The following UBAP2 variants were observed in gnomAD, a reference collection of about 807,000 sequenced individuals.
UBAP2 encodes the protein ubiquitin-associated protein 2.
Under a neutral mutation model 139.6 loss-of-function variants are expected in UBAP2, and 75 were observed. The ratio of observed to expected loss-of-function variants is 0.54; its 90% CI spans 0.45 to 0.65. UBAP2 has a LOEUF of 0.65. Among genes scored for constraint, UBAP2 ranks in the 30% least tolerant of loss-of-function variants. UBAP2 has a pLI of 0.00. For missense variants in UBAP2, 1,368 were observed against 1,369.6 expected (o/e 1.00, Z 0.02); for synonymous variants, 526 against 526.2 (o/e 1.00, Z 0.01).
intron 1 of UBAP2, among the ~76,000 whole-genome samples, chr9:34,028,404 A>C (rs1825599766): frequency 6.7e-6 from 1 of 148,376 alleles, no homozygotes; most frequent in Non-Finnish European, 1.5e-5. Flanking sequence ...TTTGAGATGG[A>C]GTTTCACTGT....
intron 2 of UBAP2, among the ~76,000 whole-genome samples, chr9:34,000,010 C>T (rs979703023): frequency 1.3e-5 from 2 of 151,948 alleles, no homozygotes; most frequent in African/African-American, 4.8e-5. Context: ...TGCACTGGCA[C>T]GATCTTGGCT....
intron 11 of UBAP2, among the ~76,000 whole-genome samples, chr9:33,954,152 C>T (rs1156900966): frequency 1.3e-5 from 2 of 152,048 alleles, no homozygotes; most frequent in African/African-American, 4.8e-5. Flanking sequence ...AGTGAGCTGC[C>T]TGCTTTGGCC....
In UBAP2 at chr9:33,941,868, AAG is replaced by A. The variant is rs1564023113; in HGVS notation, c.1716-8_1716-7del. On this transcript the variant is annotated splice_region_variant and splice_polypyrimidine_tract_variant and intron_variant, in intron 15 of 28. Transcript: ENST00000379238. Reference sequence around the variant, plus strand: ...AAGATGTATTCAAAGGCTCACTGAAAAGAGTCAAAAATATTCAACATAATTTT... The same window carrying A: ...AAGATGTATTCAAAGGCTCACTGAAAAGTCAAAAATATTCAACATAATTTT... 1 of 1,604,546 alleles carries A rather than the reference AAG, an allele frequency of 6.2e-7. No homozygotes were observed. Among genetic ancestry groups the A allele is most frequent in the East Asian group, 2.2e-5 (1 of 44,746 alleles).
chr9:34,024,908 C>G (rs1564068758), intron 1 of UBAP2, among the ~76,000 whole-genome samples: 1 of 151,736 alleles, frequency 6.6e-6, no homozygotes, highest in Non-Finnish European at 1.5e-5. Flanking sequence ...CACTTGAACC[C>G]GAGAGGCGGA....
At chr9:33,964,157 C>T (rs1827279860) in intron 8 of UBAP2, among the ~76,000 whole-genome samples, 1 of 152,052 alleles carries the variant, frequency 6.6e-6, no homozygotes, top group African/African-American at 2.4e-5. Flanking sequence ...TTGAGGGTCC[C>T]TCATATCAGG....
intron 17 of UBAP2, among the ~76,000 whole-genome samples, chr9:33,935,166 G>A (rs1344641114): frequency 3.5e-5 from 2 of 57,444 alleles, no homozygotes; most frequent in African/African-American, 8.1e-5. Flanking sequence ...GAAGTGGCGG[G>A]GGGGGGGGGT....
At chr9:33,992,854 T>C (rs115323515) in intron 4 of UBAP2, among the ~76,000 whole-genome samples, 2,422 of 152,248 alleles carry the variant, frequency 0.016, 58 homozygotes, top group African/African-American at 0.055. Flanking sequence ...GGTATTTTGC[T>C]AGTTGCAGAA....
At chr9:34,016,838 G>C (rs1021860030) in intron 2 of UBAP2, among the ~76,000 whole-genome samples, 2 of 151,940 alleles carry the variant, frequency 1.3e-5, no homozygotes. Flanking sequence ...GATTACAGGC[G>C]TGAGCCACCG....
intron 1 of UBAP2, among the ~76,000 whole-genome samples, chr9:34,019,347 G>A (rs915646201): frequency 2.0e-5 from 3 of 152,108 alleles, no homozygotes; most frequent in African/African-American, 7.2e-5. Context: ...AGGTTGCAGT[G>A]AGCCAAGGTA....
intron 6 of UBAP2, among the ~76,000 whole-genome samples, chr9:33,981,300 TG>T (rs1820736550): frequency 1.4e-5 from 1 of 73,774 alleles, no homozygotes; most frequent in Admixed American, 1.3e-4. Context: ...ATATATATTC[TG>T]GATATATATA....
At chr9:33,957,434 G>A (rs536396115) in intron 10 of UBAP2, among the ~76,000 whole-genome samples, 1 of 152,212 alleles carries the variant, frequency 6.6e-6, no homozygotes, top group Non-Finnish European at 1.5e-5. Flanking sequence ...GCATCCCCAG[G>A]CAACCACTCA....
rs1407922921 is a variant in UBAP2, at chr9:33,944,411, G to A, written c.1499C>T (p.Pro500Leu). The change falls in exon 14 of 29, where the codon CCC becomes CTC. Residue 500 changes from proline to leucine, a missense_variant. Pro to Leu is a moderately conservative substitution (Grantham distance 98, BLOSUM62 -3). Coordinates refer to ENST00000379238, the MANE Select transcript of UBAP2 (RefSeq NM_001370062.2). ...NISVSVHQPQ[P>L]KHIKLAKRRI... is the part of the protein sequence containing the mutation. Reference sequence around the variant, plus strand: ...CCGCTTAGCAAGTTTGATGTGTTTGGGCTGTGGCTGGTGGACAGACACAGA... The same window carrying A: ...CCGCTTAGCAAGTTTGATGTGTTTGAGCTGTGGCTGGTGGACAGACACAGA... 1 of 1,614,170 alleles carries A rather than the reference G, an allele frequency of 6.2e-7. No homozygotes were observed. Among genetic ancestry groups the A allele is most frequent in the Admixed American group, 1.7e-5 (1 of 60,020 alleles).
At chr9:33,995,632 TAC>T (rs1380808713) in intron 4 of UBAP2, 2 of 142,324 alleles carry the variant, frequency 1.4e-5, no homozygotes, top group East Asian at 3.9e-4. Context: ...AATAAATATA[TAC>T]ATATGTATAA....
chr9:33,973,494 G>T (rs184189206), intron 6 of UBAP2, among the ~76,000 whole-genome samples: 1 of 152,290 alleles, frequency 6.6e-6, no homozygotes, highest in East Asian at 1.9e-4. Context: ...AACACAGGGA[G>T]GTTGTATTAT....
At chr9:33,979,256 T>C (rs989877215) in intron 6 of UBAP2, among the ~76,000 whole-genome samples, 2 of 152,064 alleles carry the variant, frequency 1.3e-5, no homozygotes, top group Non-Finnish European at 2.9e-5. Context: ...GAAACTATAG[T>C]TCACTACCTT....
chr9:33,985,774 C>T (rs749187208), intron 6 of UBAP2, among the ~76,000 whole-genome samples: 46 of 151,950 alleles, frequency 3.0e-4, no homozygotes, highest in African/African-American at 9.2e-4. Context: ...GTAATCCTAC[C>T]GCTTTGGGAG....
intron 20 of UBAP2, among the ~76,000 whole-genome samples, chr9:33,927,402 C>G (rs1475356460): frequency 6.6e-6 from 1 of 152,180 alleles, no homozygotes; most frequent in East Asian, 1.9e-4. Context: ...GCAAGGAAGC[C>G]ATGCAGTGCC....
chr9:33,950,240 T>C (rs977396937), intron 12 of UBAP2, among the ~76,000 whole-genome samples: 1 of 151,962 alleles, frequency 6.6e-6, no homozygotes, highest in African/African-American at 2.4e-5. Context: ...TTTTTTGTTG[T>C]TGTTGTATTT....
chr9:34,025,716 T>C (rs1825345931), intron 1 of UBAP2, among the ~76,000 whole-genome samples: 1 of 152,220 alleles, frequency 6.6e-6, no homozygotes, highest in Non-Finnish European at 1.5e-5. Flanking sequence ...GAAAAAAGTT[T>C]TAACTGCCTA....
Sources: gnomAD v4.1 joint callset for allele counts (sites outside exome capture counted in the v4.1 genomes callset) on GRCh38, gnomAD v4.1.1 for gene constraint, MANE v1.5 for transcripts, NCBI Gene and HGNC (gene_info 2026-07-23, HGNC 2026-07-21) for gene names.